PCDHGB6: variants seen among roughly 807,000 people sequenced by gnomAD.
PCDHGB6 encodes the protein protocadherin gamma subfamily B, 6.
In PCDHGB6, 51 loss-of-function variants were observed where a neutral mutation model predicts 59.1. The observed-to-expected ratio is 0.86, with a 90% confidence interval of 0.69 to 1.09. The LOEUF (loss-of-function observed/expected upper bound fraction) is 1.09, where lower values mean the gene tolerates loss of function less well. PCDHGB6 is among the 50% of genes least tolerant of loss of function. The pLI is 0.00. For synonymous variants in PCDHGB6, 466 were observed against 495.1 expected, an observed-to-expected ratio of 0.94 and a Z score of 0.78; for missense variants, 1,148 against 1,205.1, an observed-to-expected ratio of 0.95 and a Z score of 0.70.
intron 1 of PCDHGB6, among the ~76,000 whole-genome samples, chr5:141,467,772 C>A (rs972304213): frequency 1.3e-5 from 2 of 151,686 alleles, no homozygotes; most frequent in Admixed American, 6.6e-5. Flanking sequence ...AGTGCCCGCA[C>A]CTCAGCCTCT....
In PCDHGB6 at chr5:141,477,524, A is replaced by G. The variant is rs1302186932; in HGVS notation, c.2419-17283A>G. The stretch of plus-strand genomic sequence containing the variant: ...CTACGACGTTTACATTGAAGAAAAC[A>G]ACCTCCCCGGGGCTCCAATACTAAA... On this transcript the variant is annotated intron_variant, in intron 1 of 3. Coordinates refer to ENST00000520790, the MANE Select transcript of PCDHGB6 (RefSeq NM_018926.3). The surrounding 1 kb of genome is among the most constrained non-coding windows in gnomAD (Gnocchi z 4.9). The G allele has an allele frequency of 1.2e-6, 2 of 1,614,122 alleles. No individual in the cohort carries two copies. Among genetic ancestry groups the G allele is most frequent in the Non-Finnish European group, 1.7e-6 (2 of 1,180,022 alleles).
intron 1 of PCDHGB6, among the ~76,000 whole-genome samples, chr5:141,482,274 G>A (rs1219523359): frequency 6.6e-6 from 1 of 152,094 alleles, no homozygotes; most frequent in Non-Finnish European, 1.5e-5. Flanking sequence ...TTTAGCTTAG[G>A]TAAGTCTTTT....
chr5:141,433,651 C>T (rs905489069), intron 1 of PCDHGB6, among the ~76,000 whole-genome samples: 3 of 152,064 alleles, frequency 2.0e-5, no homozygotes, highest in Non-Finnish European at 2.9e-5. Context: ...GCCTGACCAA[C>T]ATGGAGAAAC....
chr5:141,419,470 G>A (rs2096387963), intron 1 of PCDHGB6: 1 of 1,612,362 alleles, frequency 6.2e-7, no homozygotes, highest in African/African-American at 1.3e-5. Context: ...CCCGCGACCA[G>A]GGCTCGCCCG....
rs2099624335 is a variant in PCDHGB6 at position 141,486,093 on chromosome 5, C to T, written c.2419-8714C>T. On this transcript the variant is annotated intron_variant, in intron 1 of 3. Coordinates refer to ENST00000520790, the MANE Select transcript of PCDHGB6 (RefSeq NM_018926.3). This position sits in a 1 kb window ranked among gnomAD's most constrained non-coding sequence, Gnocchi z 5.0. ...ACTGGAAAGCTTACTCTTTTGGGGC[C>T]CCTAGACTTTGAGAGTGAGAATTAC... 1 of 1,614,112 alleles carries T rather than the reference C, an allele frequency of 6.2e-7. No homozygotes were observed. The highest frequency in any genetic ancestry group is 8.5e-7 in the Non-Finnish European group (1 of 1,180,008).
intron 2 of PCDHGB6, 114 bp from the exon 3 acceptor site, chr5:141,505,279 C>T: frequency 6.5e-7 from 1 of 1,541,274 alleles, no homozygotes; most frequent in Non-Finnish European, 8.7e-7. Context: ...AGAAACAGGT[C>T]TTGGGCATGG....
At chr5:141,505,085 C>A (rs954289918) in intron 2 of PCDHGB6, among the ~76,000 whole-genome samples, 1 of 152,162 alleles carries the variant, frequency 6.6e-6, no homozygotes, top group Non-Finnish European at 1.5e-5. Context: ...TCGCTTGAAC[C>A]CAGGAGGTGG....
chr5:141,420,394 C>A, intron 1 of PCDHGB6: 2 of 1,260,296 alleles, frequency 1.6e-6, no homozygotes, highest in Non-Finnish European at 2.1e-6. Flanking sequence ...AAATATAGGT[C>A]AAATTTATGG....
Position 141,490,055 on chromosome 5 carries a change from G to A in PCDHGB6, c.2419-4752G>A, listed in dbSNP as rs746297447. The A allele has an allele frequency of 1.9e-6, 3 of 1,614,068 alleles. No individual in the cohort carries two copies. The Admixed American group carries it at 5.0e-5, about 27-fold the overall frequency. On this transcript the variant is annotated intron_variant, in intron 1 of 3. Transcript: ENST00000520790. This position sits in a 1 kb window ranked among gnomAD's most constrained non-coding sequence, Gnocchi z 5.4. ...CTCAATGCCACTGATCCAGACGAGG[G>A]CACCAACGGCCAACTAGACTATTCT...
intron 2 of PCDHGB6, among the ~76,000 whole-genome samples, chr5:141,503,292 A>G (rs7710319): frequency 6.6e-6 from 1 of 151,928 alleles, no homozygotes; most frequent in African/African-American, 2.4e-5. Flanking sequence ...TGGTACATAG[A>G]AATTGCTCAA....
At chr5:141,509,536 A>T (rs778275338) in intron 3 of PCDHGB6, among the ~76,000 whole-genome samples, 1 of 152,130 alleles carries the variant, frequency 6.6e-6, no homozygotes, top group Non-Finnish European at 1.5e-5. Context: ...AGGATGAAGC[A>T]CCATCTCATT....
chr5:141,487,297 C>A lies in PCDHGB6; in HGVS notation c.2419-7510C>A. ...TTTGCTTTGTCTCCTTTGGCTCATT[C>A]GTGGCACTACTCTCTAAGTGTCTTC... is the stretch of plus-strand genomic sequence containing the variant. On this transcript the variant is annotated intron_variant, in intron 1 of 3. Transcript: ENST00000520790. This position sits in a 1 kb window ranked among gnomAD's most constrained non-coding sequence, Gnocchi z 5.0. 1 of 1,614,102 alleles carries A rather than the reference C, an allele frequency of 6.2e-7. No homozygotes were observed. The highest frequency in any genetic ancestry group is 8.5e-7 in the Non-Finnish European group (1 of 1,180,002).
intron 1 of PCDHGB6, chr5:141,419,534 G>C: frequency 6.2e-7 from 1 of 1,612,078 alleles, no homozygotes; most frequent in African/African-American, 1.3e-5. Context: ...TAACGACAAC[G>C]CACCGCGGGT....
intron 1 of PCDHGB6, among the ~76,000 whole-genome samples, chr5:141,463,541 C>T (rs1423301726): frequency 2.7e-5 from 4 of 150,402 alleles, no homozygotes; most frequent in East Asian, 2.0e-4. Flanking sequence ...CTCCGGCTCC[C>T]GGGTTCATGC....
chr5:141,410,146 C>G lies in PCDHGB6; in HGVS notation c.1944C>G (p.Asp648Glu). 1 of 1,612,390 alleles carries G rather than the reference C, an allele frequency of 6.2e-7. No homozygotes were observed. ...ARQRLLVAVRDGGQPPLSATA... is the reference protein window; with the variant it reads ...ARQRLLVAVREGGQPPLSATA... The stretch of plus-strand genomic sequence containing the variant: ...AGCGCCTGCTGGTCGCTGTGCGTGA[C>G]GGTGGACAGCCGCCACTCTCTGCCA... The change falls in exon 1 of 4, where the codon GAC becomes GAG. Residue 648 changes from aspartate (D) to glutamate (E), a missense_variant. Asp to Glu is a conservative substitution (Grantham distance 45, BLOSUM62 2). This residue lies in a region of PCDHGB6 where 549 missense variants were observed against 527.5 expected (regional missense o/e 1.04). Coordinates refer to ENST00000520790, the MANE Select transcript of PCDHGB6 (RefSeq NM_018926.3).
At position 141,484,105 on chromosome 5, in the gene PCDHGB6, A is replaced by G. The variant is rs548687877; in HGVS notation, c.2419-10702A>G. On this transcript the variant is annotated intron_variant, in intron 1 of 3. Coordinates refer to ENST00000520790, the MANE Select transcript of PCDHGB6 (RefSeq NM_018926.3). Reference sequence around the variant, plus strand: ...GAAATGGTCTTCGTTGGTAATTAACAAAAGATCAAGAATACCTTGGTGTCA... The same window carrying G: ...GAAATGGTCTTCGTTGGTAATTAACGAAAGATCAAGAATACCTTGGTGTCA... Among the ~76,000 whole-genome samples, 3 of 152,316 alleles carry G rather than the reference A, an allele frequency of 2.0e-5. No individual in the cohort carries two copies. In the South Asian group the frequency reaches 6.2e-4, roughly 32 times the overall value.
rs754873472 is a variant in PCDHGB6 at position 141,408,869 on chromosome 5, A to G, written c.667A>G (p.Ser223Gly). ...CTTGGACGGAGGGGACCCACCAAGA[A>G]GTGCCACCGCTCACATAGAAATTTC... The part of the protein sequence containing the change: ...TALDGGDPPR[S>G]ATAHIEISVK... Residue 223 changes from serine to glycine, a missense_variant, in exon 1 of 4, where the codon AGT (serine) becomes GGT (glycine). Transcript: ENST00000520790. The G allele has an allele frequency of 1.9e-6, 3 of 1,613,572 alleles. No homozygotes were observed. The highest frequency in any genetic ancestry group is 2.7e-5 in the African/African-American group (2 of 74,886).
intron 1 of PCDHGB6, chr5:141,418,737 C>G (rs768683069): frequency 6.2e-7 from 1 of 1,613,842 alleles, no homozygotes; most frequent in African/African-American, 1.3e-5. Context: ...CACGTGTTCT[C>G]TCTGGATTAC....
intron 1 of PCDHGB6, chr5:141,419,781 G>T: frequency 6.2e-7 from 1 of 1,614,032 alleles, no homozygotes; most frequent in Non-Finnish European, 8.5e-7. Context: ...GTCCGCCAGC[G>T]CCTGCTAGTC....
Sources: allele counts gnomAD v4.1 joint callset (sites outside exome capture counted in the v4.1 genomes callset), GRCh38; gene constraint gnomAD v4.1.1; regional missense constraint gnomAD v4.1.1; non-coding constraint Gnocchi (gnomAD v3.1); transcripts MANE v1.5; gene names NCBI Gene and HGNC (gene_info 2026-07-23, HGNC 2026-07-21).